The following RIMS2 variants were observed in gnomAD, a reference collection of about 807,000 sequenced individuals.
RIMS2 encodes regulating synaptic membrane exocytosis 2.
A neutral mutation model predicts 174.4 loss-of-function variants in RIMS2; 59 were observed. That is an observed-to-expected ratio of 0.34 (90% CI 0.27 to 0.42). The LOEUF (loss-of-function observed/expected upper bound fraction) is 0.42. RIMS2 is among the 10% of genes least tolerant of loss of function. The probability of loss-of-function intolerance (pLI) is 1.00; values close to 1 mark genes in which losing one functional copy is unlikely to be tolerated. For synonymous variants in RIMS2, 606 were observed against 572.5 expected (o/e 1.06, Z -0.84); for missense variants, 1,620 against 1,666.3 (o/e 0.97, Z 0.48).
intron 19 of RIMS2, among the ~76,000 whole-genome samples, chr8:104,151,871 C>A (rs545868509): frequency 3.3e-5 from 5 of 151,802 alleles, no homozygotes; most frequent in Non-Finnish European, 4.4e-5. Context: ...TTTAGAATTG[C>A]GCGGAGGAAG....
chr8:103,891,285 A>G (rs1412017032), intron 4 of RIMS2, among the ~76,000 whole-genome samples: 1 of 152,050 alleles, frequency 6.6e-6, no homozygotes, highest in African/African-American at 2.4e-5. Context: ...CTTTCTGTAG[A>G]TTATGGCCAA....
chr8:104,173,659 C>T (rs1327640181), intron 19 of RIMS2, among the ~76,000 whole-genome samples: 7 of 96,040 alleles, frequency 7.3e-5, no homozygotes, highest in South Asian at 3.9e-4. Flanking sequence ...GATGGAGTCT[C>T]GCTCTGTCGC....
At chr8:103,630,707 G>T (rs979382057) in intron 1 of RIMS2, among the ~76,000 whole-genome samples, 4 of 151,116 alleles carry the variant, frequency 2.6e-5, no homozygotes, top group African/African-American at 9.7e-5. Flanking sequence ...ACTATGAAAA[G>T]AGATGTGCCA....
intron 19 of RIMS2, among the ~76,000 whole-genome samples, chr8:104,063,468 A>AT (rs1328967223): frequency 6.6e-6 from 1 of 152,148 alleles, no homozygotes; most frequent in Non-Finnish European, 1.5e-5. Flanking sequence ...TAAAGGAAAG[A>AT]TTTTTTTAAC....
intron 1 of RIMS2, among the ~76,000 whole-genome samples, chr8:103,507,666 C>T (rs1824328810): frequency 1.3e-5 from 2 of 152,048 alleles, no homozygotes; most frequent in South Asian, 4.1e-4. Flanking sequence ...TGTATGATTG[C>T]AGCTTATCTT....
At chr8:103,783,674 A>G (rs1592252573) in intron 3 of RIMS2, among the ~76,000 whole-genome samples, 1 of 151,912 alleles carries the variant, frequency 6.6e-6, no homozygotes, top group African/African-American at 2.4e-5. Context: ...TCATTGTGGG[A>G]CATTTGGGTT....
At chr8:103,574,342 C>T (rs1471454943) in intron 1 of RIMS2, among the ~76,000 whole-genome samples, 1 of 152,124 alleles carries the variant, frequency 6.6e-6, no homozygotes, top group Non-Finnish European at 1.5e-5. Flanking sequence ...AATCTTCAGA[C>T]AATACTCTCC....
At chr8:103,554,867 C>G (rs1849704038) in intron 1 of RIMS2, among the ~76,000 whole-genome samples, 2 of 152,076 alleles carry the variant, frequency 1.3e-5, no homozygotes, top group Admixed American at 6.6e-5. Flanking sequence ...AAAAGAAGAT[C>G]ATGTCCTTTG....
chr8:103,605,981 T>A (rs1015538945), intron 1 of RIMS2, among the ~76,000 whole-genome samples: 2 of 146,474 alleles, frequency 1.4e-5, no homozygotes, highest in Non-Finnish European at 3.0e-5. Context: ...TTTGAAGGGT[T>A]TTTTGTGTCT....
At chr8:104,106,097 A>G (rs75800132) in intron 19 of RIMS2, among the ~76,000 whole-genome samples, 1 of 150,938 alleles carries the variant, frequency 6.6e-6, no homozygotes, top group African/African-American at 2.4e-5. Flanking sequence ...ATGAAAAGAA[A>G]TGAAAAAATT....
At chr8:104,164,556 G>A (rs758804406) in intron 19 of RIMS2, among the ~76,000 whole-genome samples, 10 of 152,122 alleles carry the variant, frequency 6.6e-5, no homozygotes, top group Non-Finnish European at 1.3e-4. Flanking sequence ...CAACCCAAAT[G>A]TCCACCAATG....
intron 19 of RIMS2, among the ~76,000 whole-genome samples, chr8:104,151,976 A>G (rs370112411): frequency 2.0e-5 from 3 of 152,144 alleles, no homozygotes; most frequent in East Asian, 3.9e-4. Context: ...ATATTCAAAA[A>G]CAGAAGGGTC....
chr8:103,601,076 G>A lies in RIMS2; in HGVS notation c.177-96010G>A, dbSNP rs139274512. On this transcript the variant is annotated intron_variant, in intron 1 of 23. Coordinates refer to ENST00000504942, the Ensembl canonical transcript of RIMS2. ...GATTATTAGATTCTTTTCCTATAGC[G>A]TTGTTTGAGCTCCTTATATATTCTG... Among the ~76,000 whole-genome samples, 1,112 of 152,162 alleles carry A rather than the reference G, an allele frequency of 7.3e-3. 7 individuals are homozygous for A. Among genetic ancestry groups the A allele is most frequent in the Non-Finnish European group, 9.8e-3 (663 of 67,978 alleles).
intron 1 of RIMS2, among the ~76,000 whole-genome samples, chr8:103,671,346 G>C (rs1192479596): frequency 6.6e-6 from 1 of 152,166 alleles, no homozygotes; most frequent in African/African-American, 2.4e-5. Flanking sequence ...CATTCGAATA[G>C]CACATCTTAA....
chr8:103,559,446 G>T, intron 1 of RIMS2: 1 of 345,168 alleles, frequency 2.9e-6, no homozygotes, highest in Non-Finnish European at 5.5e-6. Flanking sequence ...AGAGAGTTCA[G>T]GGACTCTGGT....
intron 17 of RIMS2, among the ~76,000 whole-genome samples, chr8:103,996,293 G>T (rs1036397427): frequency 6.6e-6 from 1 of 151,286 alleles, no homozygotes; most frequent in African/African-American, 2.4e-5. Flanking sequence ...AAAGTGATGT[G>T]CTAAAAAAAA....
chr8:104,174,891 T>G (rs2098868024), intron 19 of RIMS2, among the ~76,000 whole-genome samples: 1 of 152,186 alleles, frequency 6.6e-6, no homozygotes. Flanking sequence ...CTTTTTATTT[T>G]CTCAGGAACT....
At chr8:103,930,921 A>G (rs2079799556) in intron 11 of RIMS2, among the ~76,000 whole-genome samples, 1 of 152,124 alleles carries the variant, frequency 6.6e-6, no homozygotes, top group Admixed American at 6.6e-5. Flanking sequence ...AGGGGAACCA[A>G]AATGAACTAG....
At chr8:103,825,443 C>A (rs2098783274) in intron 3 of RIMS2, among the ~76,000 whole-genome samples, 1 of 101,270 alleles carries the variant, frequency 9.9e-6, no homozygotes, top group Non-Finnish European at 1.9e-5. Context: ...CAATGGCTAG[C>A]TAATTTTTTT....
Sources: gnomAD v4.1 joint callset for allele counts (sites outside exome capture counted in the v4.1 genomes callset) on GRCh38, gnomAD v4.1.1 for gene constraint, MANE v1.5 for transcripts, NCBI Gene and HGNC (gene_info 2026-07-23, HGNC 2026-07-21) for gene names.